Variants in NUSAP1 observed in about 807,000 individuals in gnomAD.
NUSAP1 encodes the protein nucleolar and spindle-associated protein 1.
A neutral mutation model predicts 52.8 loss-of-function variants in NUSAP1; 32 were observed. The ratio of observed to expected loss-of-function variants is 0.61; its 90% confidence interval spans 0.46 to 0.81. NUSAP1 has a LOEUF of 0.81. NUSAP1 is among the 40% of genes least tolerant of loss of function. The probability of loss-of-function intolerance (pLI) is 0.00; values close to 1 mark genes in which losing one functional copy is unlikely to be tolerated. For synonymous variants in NUSAP1, 195 were observed against 183.1 expected (o/e 1.06, Z -0.52); for missense variants, 499 against 522.3 (o/e 0.96, Z 0.43).
At chr15:41,376,414 G>C (rs937529530) in intron 9 of NUSAP1, among the ~76,000 whole-genome samples, 1 of 150,410 alleles carries the variant, frequency 6.6e-6, no homozygotes, top group East Asian at 2.0e-4. Context: ...CAGGCTGGGC[G>C]CGGTGGCTCA....
At chr15:41,363,337 C>CTA (rs1418622615) in intron 6 of NUSAP1, among the ~76,000 whole-genome samples, 12 of 148,654 alleles carry the variant, frequency 8.1e-5, no homozygotes, top group African/African-American at 2.7e-4. Flanking sequence ...CTCTCTCTCT[C>CTA]TCTATATATA....
At chr15:41,342,514 G>A in intron 2 of NUSAP1, 60 bp downstream of exon 2, 2 of 1,229,314 alleles carry the variant, frequency 1.6e-6, no homozygotes, top group East Asian at 2.5e-5. Flanking sequence ...TTGGTTAATG[G>A]GCAATTAACA....
Position 41,354,175 on chromosome 15 carries a change from A to G in NUSAP1, c.449-1864A>G, listed in dbSNP as rs112989375. Reference sequence around the variant, plus strand: ...AGTATCACTTGTGCCCAGGATTTTGAGGCCAGCTGGGCAACGTAGTGAGAC... The same window carrying G: ...AGTATCACTTGTGCCCAGGATTTTGGGGCCAGCTGGGCAACGTAGTGAGAC... On this transcript the variant is annotated intron_variant, in intron 4 of 10. Coordinates refer to ENST00000559596, the MANE Select transcript of NUSAP1 (RefSeq NM_016359.5). Among the ~76,000 whole-genome samples, 1,367 of 152,256 alleles carry G rather than the reference A, an allele frequency of 9.0e-3. 28 individuals carry two copies. The highest frequency in any genetic ancestry group is 0.031 in the African/African-American group (1,285 of 41,550).
At chr15:41,374,541 C>CT (rs1567075701) in intron 8 of NUSAP1, among the ~76,000 whole-genome samples, 3 of 151,898 alleles carry the variant, frequency 2.0e-5, no homozygotes, top group Admixed American at 2.0e-4. Context: ...TAACTTTTTT[C>CT]TTTTTTTGAG....
chr15:41,341,251 A>G (rs1423376466), intron 1 of NUSAP1, among the ~76,000 whole-genome samples: 1 of 152,028 alleles, frequency 6.6e-6, no homozygotes, highest in Non-Finnish European at 1.5e-5. Context: ...TTTTTATTAG[A>G]GACGGGGTTT....
At chr15:41,356,502 G>A (rs2048978387) in intron 5 of NUSAP1, among the ~76,000 whole-genome samples, 1 of 151,794 alleles carries the variant, frequency 6.6e-6, no homozygotes, top group Admixed American at 6.6e-5. Context: ...CTACAGGTGT[G>A]CTCCACCACG....
At chr15:41,352,649 C>T (rs2048818660) in intron 4 of NUSAP1, among the ~76,000 whole-genome samples, 1 of 151,938 alleles carries the variant, frequency 6.6e-6, no homozygotes, top group Admixed American at 6.6e-5. Flanking sequence ...AGCACAGTGG[C>T]ACGATCTCAG....
chr15:41,374,776 C>T (rs2049850395), intron 8 of NUSAP1, among the ~76,000 whole-genome samples: 5 of 152,018 alleles, frequency 3.3e-5, no homozygotes, highest in South Asian at 4.1e-4. Context: ...CCACCTGCCT[C>T]GGCCTCCCAA....
intron 7 of NUSAP1, among the ~76,000 whole-genome samples, chr15:41,367,949 G>C (rs747342805): frequency 1.3e-5 from 2 of 152,090 alleles, no homozygotes; most frequent in Admixed American, 6.6e-5. Flanking sequence ...GCTTTTTTCT[G>C]TGGTGGCTCC....
intron 4 of NUSAP1, chr15:41,351,840 A>G (rs922555064): frequency 6.6e-6 from 1 of 152,200 alleles, no homozygotes; most frequent in African/African-American, 2.4e-5. Flanking sequence ...ATCTGAAAAA[A>G]AATTCCCATA....
At chr15:41,352,578 T>TTTAC (rs1454580197) in intron 4 of NUSAP1, among the ~76,000 whole-genome samples, 1 of 151,232 alleles carries the variant, frequency 6.6e-6, no homozygotes, top group Non-Finnish European at 1.5e-5. Context: ...ATTTTTAATT[T>TTTAC]TTATTTATTT....
intron 2 of NUSAP1, among the ~76,000 whole-genome samples, chr15:41,348,231 A>T (rs1224977023): frequency 2.6e-5 from 4 of 152,188 alleles, no homozygotes; most frequent in African/African-American, 9.6e-5. Context: ...GGCACTTGCC[A>T]CCACGCCTGG....
intron 6 of NUSAP1, among the ~76,000 whole-genome samples, chr15:41,361,051 A>G (rs1595573226): frequency 1.3e-5 from 2 of 151,508 alleles, no homozygotes; most frequent in Admixed American, 1.3e-4. Context: ...TGGAGGTCAC[A>G]CCACTGCACT....
intron 9 of NUSAP1, among the ~76,000 whole-genome samples, chr15:41,376,779 TAAAATTG>T (rs1184093762): frequency 1.3e-5 from 2 of 150,808 alleles, no homozygotes; most frequent in South Asian, 2.1e-4. Flanking sequence ...GTTCTTTTTG[TAAAATTG>T]CAAATTGGTT....
chr15:41,377,777 G>T (rs1567080445), intron 10 of NUSAP1, among the ~76,000 whole-genome samples: 1 of 149,868 alleles, frequency 6.7e-6, no homozygotes, highest in Non-Finnish European at 1.5e-5. Flanking sequence ...GGCCGAGGGG[G>T]GCAGATCACG....
chr15:41,337,793 T>A (rs938567543), intron 1 of NUSAP1, among the ~76,000 whole-genome samples: 2 of 152,120 alleles, frequency 1.3e-5, no homozygotes, highest in South Asian at 4.1e-4. Context: ...TTCTTTCTAG[T>A]CTCCTTGGTT....
chr15:41,371,688 A>G lies in NUSAP1; in HGVS notation c.1006+4A>G, dbSNP rs772723479. Reference sequence around the variant, plus strand: ...ATCACGGGGAATTCTGCTGCTGGTAAAAAAAAAAAAAAACAAAAGAAATCT... The same window carrying G: ...ATCACGGGGAATTCTGCTGCTGGTAGAAAAAAAAAAAAACAAAAGAAATCT... On this transcript the variant is annotated splice_donor_region_variant and intron_variant, in intron 8 of 10. Coordinates refer to ENST00000559596, the MANE Select transcript of NUSAP1 (RefSeq NM_016359.5). 6 of 1,077,500 alleles carry G rather than the reference A, an allele frequency of 5.6e-6. No homozygotes were observed. Among genetic ancestry groups the G allele is most frequent in the Non-Finnish European group, 6.3e-6 (5 of 787,478 alleles). 66.7% of individuals were successfully genotyped at this position (1,077,500 alleles called of 1,614,324 possible).
intron 2 of NUSAP1, among the ~76,000 whole-genome samples, chr15:41,345,193 T>C (rs2048518413): frequency 6.6e-6 from 1 of 151,874 alleles, no homozygotes; most frequent in Non-Finnish European, 1.5e-5. Flanking sequence ...AGAGACGGGG[T>C]TTCACAATAT....
intron 10 of NUSAP1, 90 bp downstream of exon 10, chr15:41,377,394 AGAG>A: frequency 1.5e-6 from 1 of 686,348 alleles, no homozygotes; most frequent in South Asian, 2.0e-5. Flanking sequence ...TGGTGTTTTA[AGAG>A]GAGGTTAGAA....
Sources: allele counts gnomAD v4.1 joint callset (sites outside exome capture counted in the v4.1 genomes callset), GRCh38; gene constraint gnomAD v4.1.1; transcripts MANE v1.5; gene names NCBI Gene and HGNC (gene_info 2026-07-23, HGNC 2026-07-21).